Variants in CACHD1 observed in about 807,000 individuals in gnomAD.
CACHD1 encodes the protein cache domain containing 1, also known as VWFA and cache domain-containing protein 1.
A neutral mutation model predicts 138.7 loss-of-function variants in CACHD1; 71 were observed. The observed-to-expected ratio is 0.51, with a 90% CI of 0.42 to 0.62. The LOEUF is 0.62. Ranked by LOEUF, CACHD1 falls within the 20% of genes least tolerant of loss-of-function variation. The pLI is 0.00. For synonymous variants in CACHD1, 578 were observed against 591.5 expected (o/e 0.98, Z 0.33); for missense variants, 1,389 against 1,625.3 (o/e 0.85, Z 2.50).
chr1:64,591,457 G>C (rs550645076), intron 3 of CACHD1, among the ~76,000 whole-genome samples: 45 of 152,320 alleles, frequency 3.0e-4, no homozygotes, highest in African/African-American at 1.0e-3. Context: ...ATCCTCAAAT[G>C]CTAGACTGGA....
intron 8 of CACHD1, among the ~76,000 whole-genome samples, chr1:64,643,057 A>G (rs1648777585): frequency 6.9e-6 from 1 of 145,640 alleles, no homozygotes; most frequent in African/African-American, 2.5e-5. Flanking sequence ...AAAAAAAAAA[A>G]AAAAAAAAAA....
intron 1 of CACHD1, among the ~76,000 whole-genome samples, chr1:64,512,429 C>T (rs1016100477): frequency 1.4e-5 from 2 of 140,676 alleles, no homozygotes; most frequent in African/African-American, 5.9e-5. Flanking sequence ...AGCAGAAGCC[C>T]TCTGGAGTTC....
rs200685020 is a variant in CACHD1, at chr1:64,647,904, G to A, written c.1260G>A (p.Lys420=). The change falls in exon 9 of 27, where the codon AAG becomes AAA. Residue 420 remains lysine (K), a synonymous_variant. Transcript: ENST00000651257. The part of the protein sequence containing the change: ...VPDRMALPVI[K]GSMMVLNQLS... ...ACCGGATGGCCTTGCCTGTGATTAA[G>A]GGCAGCATGATGGTGCTGAATCAGT... The A allele has an allele frequency of 4.3e-6, 7 of 1,614,116 alleles. No homozygotes were observed. The East Asian group carries it at 1.6e-4, about 36-fold the overall frequency.
intron 1 of CACHD1, among the ~76,000 whole-genome samples, chr1:64,496,027 A>C (rs1646304616): frequency 6.6e-6 from 1 of 152,214 alleles, no homozygotes; most frequent in Admixed American, 6.5e-5. Flanking sequence ...AGGGCACTTA[A>C]TACCTTTGCA....
chr1:64,643,697 G>A (rs1445070788), intron 8 of CACHD1, among the ~76,000 whole-genome samples: 2 of 152,138 alleles, frequency 1.3e-5, no homozygotes, highest in Admixed American at 6.5e-5. Flanking sequence ...AATTAGCCAG[G>A]CGTGGTGGCG....
chr1:64,642,051 T>A (rs1484201012), intron 8 of CACHD1, 82 bp downstream of exon 8: 3 of 1,271,982 alleles, frequency 2.4e-6, no homozygotes, highest in Non-Finnish European at 3.1e-6. Flanking sequence ...AAAAGAATCA[T>A]AACAGTGTGC....
At chr1:64,575,704 A>T (rs1646961879) in intron 2 of CACHD1, among the ~76,000 whole-genome samples, 1 of 152,124 alleles carries the variant, frequency 6.6e-6, no homozygotes, top group Non-Finnish European at 1.5e-5. Context: ...ATTGTTACGT[A>T]TTTTAAATAA....
chr1:64,628,198 C>T (rs1648175894), intron 4 of CACHD1, among the ~76,000 whole-genome samples: 1 of 152,194 alleles, frequency 6.6e-6, no homozygotes, highest in South Asian at 2.1e-4. Context: ...CTTATTTGAT[C>T]ACATGGGTGT....
chr1:64,487,633 T>TAA (rs146677938), intron 1 of CACHD1, among the ~76,000 whole-genome samples: 1 of 150,070 alleles, frequency 6.7e-6, no homozygotes, highest in African/African-American at 2.4e-5. Context: ...CCTCCTTTTT[T>TAA]AAAAAAAAAA....
rs191146804 is a variant in CACHD1 at position 64,558,519 on chromosome 1, T to C, written c.261+7863T>C. Among the ~76,000 whole-genome samples, 225 of 152,292 alleles carry C rather than the reference T, an allele frequency of 1.5e-3. 1 individual carries two copies. The highest frequency in any genetic ancestry group is 5.2e-3 in the African/African-American group (218 of 41,550). ...TTTTTGGATTTAGATACTGACTTGA[T>C]AAAACCAGTTTGGCTATGAAAATTC... On this transcript the variant is annotated intron_variant, in intron 2 of 26. Transcript: ENST00000651257.
chr1:64,642,957 T>G (rs1257453518), intron 8 of CACHD1, among the ~76,000 whole-genome samples: 2 of 143,306 alleles, frequency 1.4e-5, no homozygotes, highest in African/African-American at 5.2e-5. Context: ...GAGAATCGCT[T>G]GAACCCAGGA....
chr1:64,640,109 A>G (rs944476957), intron 7 of CACHD1, among the ~76,000 whole-genome samples: 4 of 152,096 alleles, frequency 2.6e-5, no homozygotes, highest in African/African-American at 9.7e-5. Flanking sequence ...TTTGTAACCT[A>G]GTCTTTGTCT....
At chr1:64,519,220 G>A (rs996310573) in intron 1 of CACHD1, among the ~76,000 whole-genome samples, 7 of 152,276 alleles carry the variant, frequency 4.6e-5, no homozygotes, top group Admixed American at 3.3e-4. Flanking sequence ...AGCTTCTTGG[G>A]CCTGACTGAT....
chr1:64,572,218 C>A (rs1646932124), intron 2 of CACHD1, among the ~76,000 whole-genome samples: 1 of 152,184 alleles, frequency 6.6e-6, no homozygotes, highest in Admixed American at 6.5e-5. Flanking sequence ...CTCTCCTCTT[C>A]CCAATTCTCA....
At chr1:64,648,357 G>A (rs1450080002) in intron 9 of CACHD1, among the ~76,000 whole-genome samples, 1 of 152,176 alleles carries the variant, frequency 6.6e-6, no homozygotes, top group Non-Finnish European at 1.5e-5. Flanking sequence ...CAGAGACAAG[G>A]CAACGTGGCA....
chr1:64,606,804 C>T (rs899973384), intron 4 of CACHD1, among the ~76,000 whole-genome samples: 8 of 152,000 alleles, frequency 5.3e-5, no homozygotes, highest in African/African-American at 1.9e-4. Context: ...ATTTGCTGGT[C>T]CATTGGATGG....
At chr1:64,484,358 G>A (rs1039236851) in intron 1 of CACHD1, among the ~76,000 whole-genome samples, 4 of 151,970 alleles carry the variant, frequency 2.6e-5, no homozygotes, top group African/African-American at 7.2e-5. Flanking sequence ...AGGCTTTGTA[G>A]AGGTCTTGAG....
intron 9 of CACHD1, among the ~76,000 whole-genome samples, chr1:64,650,862 G>A (rs1024370138): frequency 6.6e-6 from 1 of 152,162 alleles, no homozygotes; most frequent in Non-Finnish European, 1.5e-5. Context: ...CCATAGGATT[G>A]TGAAATTGTT....
intron 4 of CACHD1, among the ~76,000 whole-genome samples, chr1:64,610,975 G>A (rs576676417): frequency 3.1e-4 from 47 of 152,176 alleles, no homozygotes; most frequent in African/African-American, 7.5e-4. Flanking sequence ...GGCTCTTGTC[G>A]CCTGCACACC....
Sources: allele counts gnomAD v4.1 joint callset (sites outside exome capture counted in the v4.1 genomes callset), GRCh38; gene constraint gnomAD v4.1.1; transcripts MANE v1.5; gene names NCBI Gene and HGNC (gene_info 2026-07-23, HGNC 2026-07-21).